ANKFN1: variants seen among roughly 807,000 people sequenced by gnomAD.
ANKFN1 encodes ankyrin repeat and fibronectin type-III domain-containing protein 1.
Under a neutral mutation model 108.7 loss-of-function variants are expected in ANKFN1, and 74 were observed. The ratio of observed to expected loss-of-function variants is 0.68; its 90% CI spans 0.56 to 0.83. ANKFN1 has a LOEUF of 0.83. ANKFN1 is among the 40% of genes least tolerant of loss of function. The probability of loss-of-function intolerance (pLI) is 0.00; values close to 1 mark genes in which losing one functional copy is unlikely to be tolerated. For missense variants in ANKFN1, 1,505 were observed against 1,382.3 expected (o/e 1.09, Z -1.41); for synonymous variants, 547 against 516.2 (o/e 1.06, Z -0.81).
intron 8 of ANKFN1, among the ~76,000 whole-genome samples, chr17:56,379,088 G>A (rs1045890168): frequency 6.6e-6 from 1 of 152,120 alleles, no homozygotes; most frequent in African/African-American, 2.4e-5. Context: ...AAACTATATT[G>A]TGTAGGAATA....
chr17:56,415,129 G>T (rs2048205197), intron 8 of ANKFN1, among the ~76,000 whole-genome samples: 1 of 152,134 alleles, frequency 6.6e-6, no homozygotes, highest in African/African-American at 2.4e-5. Context: ...GGGAAAAACT[G>T]AAGGCCTTTC....
At chr17:56,337,728 G>T (rs765412241) in intron 4 of ANKFN1, among the ~76,000 whole-genome samples, 2 of 152,182 alleles carry the variant, frequency 1.3e-5, no homozygotes, top group Non-Finnish European at 2.9e-5. Context: ...GGTCATCAGA[G>T]AAATGCAAAT....
At chr17:56,119,832 C>T (rs1038777928) in intron 4 of ANKFN1, among the ~76,000 whole-genome samples, 1 of 152,096 alleles carries the variant, frequency 6.6e-6, no homozygotes, top group Admixed American at 6.6e-5. Flanking sequence ...CTTCAGTTTC[C>T]TCATCCTACT....
At chr17:56,401,796 G>A (rs900047510) in intron 8 of ANKFN1, among the ~76,000 whole-genome samples, 1 of 152,016 alleles carries the variant, frequency 6.6e-6, no homozygotes, top group Non-Finnish European at 1.5e-5. Context: ...GCTTTCAACT[G>A]TTAACCATTC....
chr17:56,249,892 G>A (rs1453143616), intron 3 of ANKFN1, among the ~76,000 whole-genome samples: 2 of 152,270 alleles, frequency 1.3e-5, no homozygotes, highest in East Asian at 3.9e-4. Flanking sequence ...GTAGTCACTG[G>A]GGCAGTTTCC....
intron 4 of ANKFN1, among the ~76,000 whole-genome samples, chr17:56,144,118 G>C (rs1270224325): frequency 1.6e-5 from 2 of 121,780 alleles, no homozygotes; most frequent in Non-Finnish European, 3.1e-5. Context: ...GATCCCTCCA[G>C]CCTAGCACAA....
chr17:56,402,254 T>C (rs2047786655), intron 8 of ANKFN1, among the ~76,000 whole-genome samples: 1 of 152,140 alleles, frequency 6.6e-6, no homozygotes, highest in South Asian at 2.1e-4. Context: ...TATGGAATAG[T>C]GACAAAAGGA....
chr17:56,227,041 G>A (rs1325450305), intron 2 of ANKFN1, among the ~76,000 whole-genome samples: 1 of 152,052 alleles, frequency 6.6e-6, no homozygotes, highest in East Asian at 1.9e-4. Flanking sequence ...GGGTGGTGTG[G>A]AAAGATCTTT....
intron 8 of ANKFN1, among the ~76,000 whole-genome samples, chr17:56,382,507 A>G (rs2047135271): frequency 1.3e-5 from 2 of 152,204 alleles, no homozygotes; most frequent in Admixed American, 6.5e-5. Context: ...AATGGACTAA[A>G]TCCTCCAATT....
At chr17:56,187,197 G>A (rs186881043) in intron 1 of ANKFN1, among the ~76,000 whole-genome samples, 1 of 152,262 alleles carries the variant, frequency 6.6e-6, no homozygotes, top group East Asian at 1.9e-4. Context: ...CTGACAAAGG[G>A]CTAATATCCA....
At chr17:56,272,771 C>G (rs2043825714) in intron 3 of ANKFN1, among the ~76,000 whole-genome samples, 1 of 152,118 alleles carries the variant, frequency 6.6e-6, no homozygotes, top group African/African-American at 2.4e-5. Context: ...AGTGGTTTTA[C>G]CATTTTACAC....
At position 56,281,416 on chromosome 17, in the gene ANKFN1, C is replaced by T. The variant is rs138044733; in HGVS notation, c.54-44805C>T. Reference sequence around the variant, plus strand: ...ACAAAAATTAATTTTATATGGATCACAGACCTAAATGTATAAGCTAAAATT... The same window carrying T: ...ACAAAAATTAATTTTATATGGATCATAGACCTAAATGTATAAGCTAAAATT... On this transcript the variant is annotated intron_variant, in intron 3 of 20. Coordinates refer to ENST00000682825, the MANE Select transcript of ANKFN1 (RefSeq NM_001370326.1). 2.7e-3 allele frequency among the ~76,000 whole-genome samples: 407 copies of T among 152,154 alleles called. 5 individuals are homozygous for T. The highest frequency in any genetic ancestry group is 9.2e-3 in the African/African-American group (381 of 41,508).
chr17:56,324,253 A>G (rs1365679132), intron 3 of ANKFN1, among the ~76,000 whole-genome samples: 5 of 152,206 alleles, frequency 3.3e-5, no homozygotes, highest in Non-Finnish European at 5.9e-5. Context: ...ATACTTCATC[A>G]ATAGGCTCTA....
intron 8 of ANKFN1, among the ~76,000 whole-genome samples, chr17:56,406,619 G>T (rs149149425): frequency 1.3e-5 from 2 of 152,022 alleles, no homozygotes; most frequent in Admixed American, 1.3e-4. Flanking sequence ...TAATTTCTAC[G>T]TTAAATTATT....
rs2050241615 is a variant in ANKFN1, at chr17:56,469,462, C to G, written c.1773+2891C>G. 1.3e-5 allele frequency among the ~76,000 whole-genome samples: 2 copies of G among 152,156 alleles called. 1 individual carries two copies. Among genetic ancestry groups the G allele is most frequent in the South Asian group, 4.1e-4 (2 of 4,824 alleles). On this transcript the variant is annotated intron_variant, in intron 15 of 20. Transcript: ENST00000682825. ...ACAATAACAGGCCACAGACCACTCT[C>G]TTTTCTCAGGGGTGGTGGAGTGATG...
At chr17:56,298,931 T>C (rs542624150) in intron 3 of ANKFN1, among the ~76,000 whole-genome samples, 1 of 152,318 alleles carries the variant, frequency 6.6e-6, no homozygotes, top group South Asian at 2.1e-4. Context: ...CAATATCACA[T>C]ATGATCACAT....
chr17:56,065,258 T>C (rs1905042391), intron 4 of ANKFN1, among the ~76,000 whole-genome samples: 1 of 152,212 alleles, frequency 6.6e-6, no homozygotes, highest in South Asian at 2.1e-4. Context: ...TTGAAGAGAG[T>C]TAGGGCCTTG....
chr17:56,110,539 C>T (rs1284180984), intron 4 of ANKFN1, among the ~76,000 whole-genome samples: 3 of 152,132 alleles, frequency 2.0e-5, no homozygotes, highest in African/African-American at 4.8e-5. Context: ...CTTATAACCC[C>T]AGGGCCTTTC....
At chr17:56,462,757 C>G (rs1192046264) in intron 14 of ANKFN1, among the ~76,000 whole-genome samples, 2 of 152,166 alleles carry the variant, frequency 1.3e-5, no homozygotes, top group African/African-American at 4.8e-5. Context: ...CCTGATTACT[C>G]CAATTTGGTC....
Sources: allele counts gnomAD v4.1 joint callset (sites outside exome capture counted in the v4.1 genomes callset), GRCh38; gene constraint gnomAD v4.1.1; transcripts MANE v1.5; gene names NCBI Gene and HGNC (gene_info 2026-07-23, HGNC 2026-07-21).